The following TIGD4 variants were observed in gnomAD, a reference collection of about 807,000 sequenced individuals.
TIGD4 encodes the protein tigger transposable element-derived protein 4.
Under a neutral mutation model 24.9 loss-of-function variants are expected in TIGD4, and 20 were observed. The ratio of observed to expected loss-of-function variants is 0.80; its 90% CI spans 0.56 to 1.17. The LOEUF (loss-of-function observed/expected upper bound fraction) is 1.17, where lower values mean the gene tolerates loss of function less well. Among genes scored for constraint, TIGD4 ranks in the 50% most tolerant of loss-of-function variants. The pLI, the probability that TIGD4 is intolerant of heterozygous loss-of-function variation, is 0.00. For synonymous variants in TIGD4, 193 were observed against 211.0 expected, an observed-to-expected ratio of 0.91 and a Z score of 0.74; for missense variants, 566 against 591.0, an observed-to-expected ratio of 0.96 and a Z score of 0.44.
intron 1 of TIGD4, among the ~76,000 whole-genome samples, chr4:152,774,908 A>G (rs1007946715): frequency 7.7e-6 from 1 of 130,552 alleles, no homozygotes; most frequent in Non-Finnish European, 1.6e-5. Flanking sequence ...TAGCAAGTCT[A>G]TATCAAGGAT....
Position 152,771,242 on chromosome 4 carries a change from G to C in TIGD4, c.-238C>G. 1 of 418,248 alleles carries C rather than the reference G, an allele frequency of 2.4e-6. No homozygotes were observed. Among genetic ancestry groups the C allele is most frequent in the Non-Finnish European group, 4.3e-6 (1 of 233,466 alleles). 25.9% of individuals were successfully genotyped at this position (418,248 alleles called of 1,614,324 possible). On this transcript the variant is annotated 5_prime_UTR_variant, in exon 2 of 2. Transcript: ENST00000304337. Reference sequence around the variant, plus strand: ...TTTTAGAAGAGAAACTTCCTTCCTAGTACCTTGTATAGCTCAGTTTATAGC... The same window carrying C: ...TTTTAGAAGAGAAACTTCCTTCCTACTACCTTGTATAGCTCAGTTTATAGC...
At chr4:152,773,598 T>A (rs77217876) in intron 1 of TIGD4, among the ~76,000 whole-genome samples, 8 of 147,774 alleles carry the variant, frequency 5.4e-5, no homozygotes, top group African/African-American at 2.0e-4. Flanking sequence ...TAGTTACGGA[T>A]TCTATGCTCC....
chr4:152,774,269 G>A (rs1730226945), intron 1 of TIGD4, among the ~76,000 whole-genome samples: 1 of 152,174 alleles, frequency 6.6e-6, no homozygotes, highest in Non-Finnish European at 1.5e-5. Flanking sequence ...CTTTATTTAG[G>A]AAGATTAGGT....
chr4:152,777,582 AAGGAAGGG>A (rs1730279647), intron 1 of TIGD4, among the ~76,000 whole-genome samples: 2 of 141,546 alleles, frequency 1.4e-5, no homozygotes, highest in Middle Eastern at 3.5e-3. Flanking sequence ...GGAAAAAAGG[AAGGAAGGG>A]AGGGAGGGAG....
At chr4:152,776,579 C>T (rs1184753756) in intron 1 of TIGD4, among the ~76,000 whole-genome samples, 2 of 152,148 alleles carry the variant, frequency 1.3e-5, no homozygotes, top group Non-Finnish European at 2.9e-5. Flanking sequence ...CTTAAGACAG[C>T]ACTCACTCAT....
At chr4:152,771,666 T>C (rs1730179393) in intron 1 of TIGD4, 124 bp from the exon 2 acceptor site, 1 of 152,166 alleles carries the variant, frequency 6.6e-6, no homozygotes, top group Admixed American at 6.6e-5. Flanking sequence ...GTTCTGAAAA[T>C]ACAATAAAGT....
rs1048349229 is a variant in TIGD4, at chr4:152,770,546, A to G, written c.459T>C (p.Gly153=). ...VFRAQPVEAT[G]VPVDPSTVWY... ...AGACAGTCGAAGGGTCTACTGGTAC[A>G]CCTGTAGCTTCTACAGGTTGAGCTC... The change falls in exon 2 of 2, where the codon GGT becomes GGC. Residue 153 remains glycine, a synonymous_variant. Coordinates refer to ENST00000304337, the MANE Select transcript of TIGD4 (RefSeq NM_145720.4). 1 of 1,612,638 alleles carries G rather than the reference A, an allele frequency of 6.2e-7. No individual in the cohort carries two copies. Among genetic ancestry groups the G allele is most frequent in the Admixed American group, 1.7e-5 (1 of 59,808 alleles).
At chr4:152,778,594 A>G (rs1730309202) in intron 1 of TIGD4, among the ~76,000 whole-genome samples, 1 of 152,222 alleles carries the variant, frequency 6.6e-6, no homozygotes, top group African/African-American at 2.4e-5. Context: ...GAACCACTTA[A>G]GATAAGAGAT....
chr4:152,774,518 G>A (rs998606402), intron 1 of TIGD4, among the ~76,000 whole-genome samples: 2 of 152,168 alleles, frequency 1.3e-5, no homozygotes, highest in African/African-American at 2.4e-5. Flanking sequence ...TCTCAGAATA[G>A]TCATCCTTTC....
chr4:152,770,128 G>T lies in TIGD4; in HGVS notation c.877C>A (p.His293Asn). The change falls in exon 2 of 2, where the codon CAT becomes AAT. Residue 293 changes from histidine to asparagine, a missense_variant. Physicochemically the swap from His to Asn is moderately conservative, Grantham distance 68. Transcript: ENST00000304337. ...GATTTTAGGTTCTTTACCTCTGGAT[G>T]TGCTGGAAAAGACTCAACAAAAATC... Reference protein sequence around the residue: ...VVIFVESFPAHPEVKNLKSIE... With the variant: ...VVIFVESFPANPEVKNLKSIE... The T allele has an allele frequency of 6.2e-7, 1 of 1,614,046 alleles. No homozygotes were observed. Among genetic ancestry groups the T allele is most frequent in the Non-Finnish European group, 8.5e-7 (1 of 1,179,928 alleles).
At position 152,771,172 on chromosome 4, in the gene TIGD4, GC is replaced by G. The variant is rs1730166626; in HGVS notation, c.-169del. The stretch of plus-strand genomic sequence containing the variant: ...TTGTAGGAACTTGATGACAAAATAT[GC>G]TTTTTCAAAGATCTGAAGAAAAATA... On this transcript the variant is annotated 5_prime_UTR_variant, in exon 2 of 2. Coordinates refer to ENST00000304337, the MANE Select transcript of TIGD4 (RefSeq NM_145720.4). 1.3e-6 allele frequency: 1 copy of G among 775,514 alleles called. No homozygotes were observed. The highest frequency in any genetic ancestry group is 3.6e-4 in the Middle Eastern group (1 of 2,770). 48.0% of individuals were successfully genotyped at this position (775,514 alleles called of 1,614,324 possible).
At chr4:152,776,209 G>T (rs1410671251) in intron 1 of TIGD4, among the ~76,000 whole-genome samples, 1 of 152,042 alleles carries the variant, frequency 6.6e-6, no homozygotes, top group Non-Finnish European at 1.5e-5. Flanking sequence ...AAACCATAGG[G>T]TGTCAGTAGC....
Position 152,771,064 on chromosome 4 carries a change from T to C in TIGD4, c.-60A>G. On this transcript the variant is annotated 5_prime_UTR_variant, in exon 2 of 2. Transcript: ENST00000304337. ...AACTTCCTGGTGACTGTTTCTTTAATTAAATTTGTTTTCCAGTATAATATA... is the reference window on the plus strand; with the variant it reads ...AACTTCCTGGTGACTGTTTCTTTAACTAAATTTGTTTTCCAGTATAATATA... 1 of 1,516,706 alleles carries C rather than the reference T, an allele frequency of 6.6e-7. No homozygotes were observed. Among genetic ancestry groups the C allele is most frequent in the Non-Finnish European group, 8.8e-7 (1 of 1,138,710 alleles). The allele number at this position is 1,516,706 out of a possible 1,614,324, so 94.0% of individuals were successfully genotyped here.
intron 1 of TIGD4, among the ~76,000 whole-genome samples, chr4:152,773,504 C>T (rs1173366525): frequency 6.6e-6 from 1 of 152,008 alleles, no homozygotes; most frequent in Non-Finnish European, 1.5e-5. Flanking sequence ...AGTCCAGAAT[C>T]CAGGCTTCTA....
intron 1 of TIGD4, among the ~76,000 whole-genome samples, chr4:152,776,170 T>C (rs1730256932): frequency 1.3e-5 from 2 of 152,170 alleles, no homozygotes; most frequent in African/African-American, 2.4e-5. Context: ...CAGAGGCTCA[T>C]GGTTATTCCT....
chr4:152,770,356 C>A lies in TIGD4; in HGVS notation c.649G>T (p.Val217Leu), dbSNP rs370082992. 12 of 1,613,992 alleles carry A rather than the reference C, an allele frequency of 7.4e-6. No homozygotes were observed. The highest frequency in any genetic ancestry group is 1.0e-5 in the Non-Finnish European group (12 of 1,179,982). ...GKLCKDRITL[V>L]VGTNMDGSEK... ...GAGCCATCCATGTTTGTGCCAACCA[C>A]CAGAGTTATTCTGTCTTTGCATAAC... Residue 217 changes from valine to leucine, a missense_variant, in exon 2 of 2, where the codon GTG (valine) becomes TTG (leucine). By Grantham distance (32) the Val-to-Leu change is conservative. Coordinates refer to ENST00000304337, the MANE Select transcript of TIGD4 (RefSeq NM_145720.4).
Position 152,770,761 on chromosome 4 carries a change from C to T in TIGD4, c.244G>A (p.Ala82Thr), listed in dbSNP as rs1730156402. ...FDPKRKRLRT[A>T]FYTDLEEALM... ...GCCTCTTCCAGATCTGTGTAAAAAG[C>T]AGTTCTCAGTCTTTTTCTCTTTGGA... is the stretch of plus-strand genomic sequence containing the variant. Residue 82 changes from alanine to threonine, a missense_variant, in exon 2 of 2, where the codon GCT becomes ACT. Physicochemically the swap from Ala to Thr is moderately conservative, Grantham distance 58 (BLOSUM62 0). Transcript: ENST00000304337. The T allele has an allele frequency of 1.2e-6, 2 of 1,612,568 alleles. No individual in the cohort carries two copies. Among genetic ancestry groups the T allele is most frequent in the Admixed American group, 1.7e-5 (1 of 59,692 alleles).
At chr4:152,775,464 G>A (rs1317157715) in intron 1 of TIGD4, among the ~76,000 whole-genome samples, 1 of 152,130 alleles carries the variant, frequency 6.6e-6, no homozygotes, top group Admixed American at 6.5e-5. Flanking sequence ...GAGGCTCTGG[G>A]GAAGAATTTG....
intron 1 of TIGD4, among the ~76,000 whole-genome samples, chr4:152,779,120 G>T (rs1730330133): frequency 6.6e-6 from 1 of 151,942 alleles, no homozygotes; most frequent in Non-Finnish European, 1.5e-5. Flanking sequence ...CCCCGTTTAG[G>T]AAACTACGAA....
Sources: allele counts gnomAD v4.1 joint callset (sites outside exome capture counted in the v4.1 genomes callset), GRCh38; gene constraint gnomAD v4.1.1; transcripts MANE v1.5; gene names NCBI Gene and HGNC (gene_info 2026-07-23, HGNC 2026-07-21).